Variants in ILF2 observed in about 807,000 individuals in gnomAD.
ILF2 encodes interleukin enhancer-binding factor 2.
In ILF2, 9 loss-of-function variants were observed where a neutral mutation model predicts 55.3. That is an observed-to-expected ratio of 0.16 (90% confidence interval 0.10 to 0.28). ILF2 has a LOEUF of 0.28. Ranked by LOEUF, ILF2 falls within the 10% of genes least tolerant of loss-of-function variation. The pLI is 1.00. For synonymous variants in ILF2, 151 were observed against 161.8 expected, an observed-to-expected ratio of 0.93 and a Z score of 0.50; for missense variants, 266 against 474.9, an observed-to-expected ratio of 0.56 and a Z score of 4.09.
chr1:153,668,729 C>T (rs927045754), intron 3 of ILF2, among the ~76,000 whole-genome samples, 172 bp from the exon 4 acceptor site: 2 of 151,956 alleles, frequency 1.3e-5, no homozygotes, highest in Non-Finnish European at 2.9e-5. Context: ...GTAATCCCAG[C>T]TACTTGGGAG....
rs1669205495 is a variant in ILF2 at position 153,662,839 on chromosome 1, C to A, written c.922-44G>T. The A allele has an allele frequency of 5.2e-6, 8 of 1,530,878 alleles. No homozygotes were observed. In the East Asian group the frequency reaches 1.6e-4, roughly 30 times the overall value. The allele number at this position is 1,530,878 out of a possible 1,614,324, so 94.8% of individuals were successfully genotyped here. A position where few individuals can be genotyped will look rare whatever the true frequency, so the allele number is the denominator to read the frequency against. ...AGAGTAAGCAAGGAAAATCAAAGGA[C>A]CTTATTTGAGTAATACCCTTCTGAA... is the stretch of plus-strand genomic sequence containing the variant. On this transcript the variant is annotated intron_variant, in intron 12 of 13. Coordinates refer to ENST00000361891, the MANE Select transcript of ILF2 (RefSeq NM_004515.4).
At chr1:153,669,951 T>G in intron 2 of ILF2, 73 bp from the exon 3 acceptor site, 1 of 1,309,838 alleles carries the variant, frequency 7.6e-7, no homozygotes, top group Non-Finnish European at 1.1e-6. Context: ...CGCCAACAAT[T>G]TTGAAAACAT....
chr1:153,662,371 G>C lies in ILF2; in HGVS notation c.*25C>G. On this transcript the variant is annotated 3_prime_UTR_variant, in exon 14 of 14. Coordinates refer to ENST00000361891, the MANE Select transcript of ILF2 (RefSeq NM_004515.4). ...GCTTAGGCTCCAGTCTTCCCCCTTG[G>C]GTAGGAAAAGGAGTGAAGGGAATGT... The C allele has an allele frequency of 1.2e-6, 2 of 1,613,560 alleles. No homozygotes were observed. The highest frequency in any genetic ancestry group is 1.7e-6 in the Non-Finnish European group (2 of 1,179,856).
chr1:153,662,398 A>C lies in ILF2; in HGVS notation c.1171T>G (p.Ter391GlyextTer16). ...TAGGAAAAGGAGTGAAGGGAATGTC[A>C]CTCCTGAGTTTCCATGCTTTCTTCT... ...EEEESMETQE[*>G] Residue 391 changes from the stop codon to glycine, a stop_lost, in exon 14 of 14, where the codon TGA becomes GGA. Transcript: ENST00000361891. 2 of 1,613,670 alleles carry C rather than the reference A, an allele frequency of 1.2e-6. No individual in the cohort carries two copies. The highest frequency in any genetic ancestry group is 1.7e-6 in the Non-Finnish European group (2 of 1,179,914).
intron 9 of ILF2, 32 bp from the exon 10 acceptor site, chr1:153,664,162 C>G (rs546458485): frequency 7.3e-7 from 1 of 1,377,268 alleles, no homozygotes; most frequent in East Asian, 2.3e-5. Flanking sequence ...ACATTAAAAT[C>G]AATACGATCA....
At chr1:153,667,963 G>C (rs1293831837) in intron 5 of ILF2, 37 bp downstream of exon 5, 1 of 1,448,380 alleles carries the variant, frequency 6.9e-7, no homozygotes, top group Non-Finnish European at 9.6e-7. Context: ...CACTACCAAA[G>C]CTGCCCTTTC....
chr1:153,663,969 T>C (rs556311353), intron 10 of ILF2, 74 bp downstream of exon 10: 18 of 704,658 alleles, frequency 2.6e-5, no homozygotes, highest in African/African-American at 2.3e-4. Context: ...CTACTACTAC[T>C]ACTACTACTA....
intron 4 of ILF2, 56 bp from the exon 5 acceptor site, chr1:153,668,133 G>T: frequency 7.5e-7 from 1 of 1,325,474 alleles, no homozygotes. Context: ...CAATTTCTCA[G>T]AATTTGAATA....
intron 10 of ILF2, among the ~76,000 whole-genome samples, chr1:153,663,807 CAA>C (rs1181353516): frequency 1.1e-4 from 9 of 80,356 alleles, no homozygotes; most frequent in African/African-American, 3.5e-4. Context: ...ATTGAATATA[CAA>C]AAAAAAAAAA....
At chr1:153,667,287 G>A (rs945764491) in intron 6 of ILF2, 14 of 518,050 alleles carry the variant, frequency 2.7e-5, no homozygotes, top group East Asian at 9.0e-5. Context: ...AGACCAGCCC[G>A]AGCAACACGG....
chr1:153,664,161 T>G (rs1669248720), intron 9 of ILF2, 31 bp from the exon 10 acceptor site: 1 of 1,378,854 alleles, frequency 7.3e-7, no homozygotes, highest in Non-Finnish European at 1.0e-6. Context: ...AACATTAAAA[T>G]CAATACGATC....
rs1571335278 is a variant in ILF2 at position 153,665,489 on chromosome 1, C to G, written c.461-153G>C. 4.4e-5 allele frequency: 33 copies of G among 753,258 alleles called. No homozygotes were observed. In the East Asian group the frequency reaches 8.1e-4, roughly 18 times the overall value. The allele number at this position is 753,258 out of a possible 1,614,324, so 46.7% of individuals were successfully genotyped here. On this transcript the variant is annotated intron_variant, in intron 7 of 13. Transcript: ENST00000361891. ...ACAGAGCTTTAGAAGGGAGATCAAA[C>G]AGATCTCCCTTGAACACCTTGAACA...
chr1:153,665,599 T>G (rs1175935983), intron 7 of ILF2, 64 bp downstream of exon 7: 1 of 1,297,684 alleles, frequency 7.7e-7, no homozygotes, highest in African/African-American at 1.5e-5. Context: ...GTTGAAAGTG[T>G]ACTTACAATT....
rs1669258383 is a variant in ILF2, at chr1:153,664,530, C to T, written c.578-56G>A. The T allele has an allele frequency of 2.3e-6, 3 of 1,316,124 alleles. No individual in the cohort carries two copies. The African/African-American group carries it at 4.3e-5, about 19-fold the overall frequency. 81.5% of individuals were successfully genotyped at this position (1,316,124 alleles called of 1,614,324 possible). ...AAACATTTTCATTAAACAAGCTACTCATTACCACTGCTACAGTCTTAAAAA... is the reference window on the plus strand; with the variant it reads ...AAACATTTTCATTAAACAAGCTACTTATTACCACTGCTACAGTCTTAAAAA... On this transcript the variant is annotated intron_variant, in intron 8 of 13. Transcript: ENST00000361891.
chr1:153,665,175 T>C, intron 8 of ILF2, 45 bp downstream of exon 8: 1 of 1,097,868 alleles, frequency 9.1e-7, no homozygotes, highest in Non-Finnish European at 1.4e-6. Flanking sequence ...TACCATGTTT[T>C]GAATATCCCC....
At chr1:153,668,640 A>G (rs1669370444) in intron 3 of ILF2, 83 bp from the exon 4 acceptor site, 2 of 1,456,690 alleles carry the variant, frequency 1.4e-6, no homozygotes, top group Non-Finnish European at 1.8e-6. Flanking sequence ...TACGACAGAA[A>G]AAGGTTAAAA....
intron 3 of ILF2, among the ~76,000 whole-genome samples, chr1:153,668,764 G>A (rs1055307244): frequency 1.3e-5 from 2 of 151,606 alleles, no homozygotes; most frequent in East Asian, 3.9e-4. Context: ...TGGGCGTGGT[G>A]GCTCACACCT....
rs751313797 is a variant in ILF2, at chr1:153,664,031, A to C, written c.744+12T>G. 1.0e-5 allele frequency: 16 copies of C among 1,561,264 alleles called. No individual in the cohort carries two copies. Among genetic ancestry groups the C allele is most frequent in the Non-Finnish European group, 1.4e-5 (16 of 1,134,662 alleles). ...GGATGATGAGGAACTCCAATTGCCC[A>C]TCTTTACTTACTAGTAGGTCAAGGA... is the stretch of plus-strand genomic sequence containing the variant. On this transcript the variant is annotated intron_variant, in intron 10 of 13. Transcript: ENST00000361891.
At chr1:153,667,898 G>A in intron 5 of ILF2, 102 bp downstream of exon 5, 2 of 840,860 alleles carry the variant, frequency 2.4e-6, no homozygotes, top group Non-Finnish European at 3.9e-6. Flanking sequence ...TTTTAGGCTT[G>A]GCTTTGGATA....
Sources: gnomAD v4.1 joint callset for allele counts (sites outside exome capture counted in the v4.1 genomes callset) on GRCh38, gnomAD v4.1.1 for gene constraint, MANE v1.5 for transcripts, NCBI Gene and HGNC (gene_info 2026-07-23, HGNC 2026-07-21) for gene names.